ARPC2: variants seen among roughly 807,000 people sequenced by gnomAD.
The protein encoded by ARPC2 is actin related protein 2/3 complex subunit 2, also known as actin-related protein 2/3 complex subunit 2.
Under a neutral mutation model 38.6 loss-of-function variants are expected in ARPC2, and 4 were observed. The observed-to-expected ratio is 0.10, with a 90% CI of 0.05 to 0.24. The LOEUF is 0.24. Ranked by LOEUF, ARPC2 falls within the 10% of genes least tolerant of loss-of-function variation. ARPC2 has a pLI of 1.00. For missense variants in ARPC2, 229 were observed against 387.3 expected (o/e 0.59, Z 3.43); for synonymous variants, 125 against 140.8 (o/e 0.89, Z 0.79).
At chr2:218,220,524 A>G (rs567593163) in intron 2 of ARPC2, among the ~76,000 whole-genome samples, 291 of 152,348 alleles carry the variant, frequency 1.9e-3, no homozygotes, top group African/African-American at 6.8e-3. Context: ...CCAGCTTCTG[A>G]AAATGAAAGC....
At chr2:218,227,783 G>T (rs1229491317) in intron 3 of ARPC2, among the ~76,000 whole-genome samples, 2 of 151,990 alleles carry the variant, frequency 1.3e-5, no homozygotes, top group African/African-American at 4.8e-5. Context: ...GTAGAGACAG[G>T]GTTTCACCAT....
intron 3 of ARPC2, among the ~76,000 whole-genome samples, chr2:218,228,374 G>A (rs1362813800): frequency 1.3e-5 from 2 of 151,876 alleles, no homozygotes; most frequent in Non-Finnish European, 2.9e-5. Flanking sequence ...TTGCACTCCA[G>A]CCTGGGTGAC....
intron 4 of ARPC2, 52 bp from the exon 5 acceptor site, chr2:218,234,300 A>T: frequency 3.6e-6 from 5 of 1,393,344 alleles, no homozygotes; most frequent in Non-Finnish European, 5.0e-6. Flanking sequence ...TAATGAAATT[A>T]TCATGGCCTT....
intron 2 of ARPC2, among the ~76,000 whole-genome samples, chr2:218,217,811 T>C (rs1689289550): frequency 6.6e-6 from 1 of 152,114 alleles, no homozygotes; most frequent in East Asian, 1.9e-4. Flanking sequence ...CTGTGGGACG[T>C]GGGGGACCCT....
Position 218,239,394 on chromosome 2 carries a change from T to C in ARPC2, c.459T>C (p.Tyr153=). 18 of 1,612,004 alleles carry C rather than the reference T, an allele frequency of 1.1e-5. No homozygotes were observed. The highest frequency in any genetic ancestry group is 1.4e-5 in the Non-Finnish European group (16 of 1,178,070). ...VIHYRDDETM[Y]VESKKDRVTV... ...TCATGGATTTTGTTCCTCTCAGGTA[T>C]GTTGAGTCTAAAAAGGACAGAGTCA... Residue 153 remains tyrosine, a synonymous_variant, in exon 7 of 11, where the codon TAT becomes TAC. Coordinates refer to ENST00000315717, the MANE Select transcript of ARPC2 (RefSeq NM_152862.3).
chr2:218,230,130 C>T (rs978836116), intron 4 of ARPC2, among the ~76,000 whole-genome samples: 4 of 151,990 alleles, frequency 2.6e-5, no homozygotes, highest in Non-Finnish European at 5.9e-5. Flanking sequence ...ACCGCTACAC[C>T]TGGCTAATTT....
At chr2:218,243,737 C>T (rs952759082) in intron 7 of ARPC2, among the ~76,000 whole-genome samples, 1 of 152,180 alleles carries the variant, frequency 6.6e-6, no homozygotes, top group East Asian at 1.9e-4. Context: ...GATCACGCCA[C>T]TGCACTCCAG....
chr2:218,234,257 AG>A, intron 4 of ARPC2, 94 bp from the exon 5 acceptor site: 1 of 948,958 alleles, frequency 1.1e-6, no homozygotes, highest in Non-Finnish European at 1.6e-6. Flanking sequence ...ATGCCAACTT[AG>A]GAAGAGCTTG....
chr2:218,222,937 CAT>C (rs1293279175), intron 2 of ARPC2, among the ~76,000 whole-genome samples: 1 of 152,180 alleles, frequency 6.6e-6, no homozygotes. Flanking sequence ...GCACACAGAA[CAT>C]GATTGTATTT....
intron 7 of ARPC2, among the ~76,000 whole-genome samples, chr2:218,243,554 G>C (rs1401081750): frequency 3.3e-5 from 5 of 152,210 alleles, no homozygotes; most frequent in Non-Finnish European, 7.4e-5. Flanking sequence ...TAGGCAGGTG[G>C]ATCACTAGAG....
At chr2:218,246,707 A>C (rs6748982) in intron 8 of ARPC2, among the ~76,000 whole-genome samples, 3,837 of 152,132 alleles carry the variant, frequency 0.025, 139 homozygotes, top group African/African-American at 0.086. Context: ...ACAGTGGCTC[A>C]CACCTGTAAT....
intron 10 of ARPC2, among the ~76,000 whole-genome samples, chr2:218,250,930 C>T (rs1349991613): frequency 2.6e-5 from 4 of 151,888 alleles, no homozygotes; most frequent in East Asian, 1.9e-4. Context: ...TGCAGTGGCG[C>T]GATCTCAGCT....
chr2:218,237,336 A>T (rs1419062396), intron 5 of ARPC2, among the ~76,000 whole-genome samples: 4 of 151,778 alleles, frequency 2.6e-5, no homozygotes, highest in African/African-American at 4.8e-5. Flanking sequence ...AGTACCTGGG[A>T]CCACAGGCGT....
chr2:218,229,641 CTT>C (rs1173369590), intron 4 of ARPC2, among the ~76,000 whole-genome samples: 2 of 152,250 alleles, frequency 1.3e-5, no homozygotes, highest in East Asian at 1.9e-4. Context: ...TTATTTAAAA[CTT>C]ATATAATAAA....
intron 3 of ARPC2, among the ~76,000 whole-genome samples, 166 bp from the exon 4 acceptor site, chr2:218,228,572 A>C (rs887407778): frequency 1.3e-5 from 2 of 152,232 alleles, no homozygotes; most frequent in Non-Finnish European, 2.9e-5. Flanking sequence ...CAGCAATTCT[A>C]TCCCAGTGTT....
At chr2:218,247,717 G>A (rs895284241) in intron 8 of ARPC2, among the ~76,000 whole-genome samples, 19 of 152,250 alleles carry the variant, frequency 1.2e-4, no homozygotes, top group Admixed American at 9.8e-4. Flanking sequence ...GCCGAGGCAA[G>A]TGGATCACGA....
At chr2:218,236,108 A>T (rs915756998) in intron 5 of ARPC2, 2 of 145,302 alleles carry the variant, frequency 1.4e-5, no homozygotes, top group Non-Finnish European at 3.0e-5. Flanking sequence ...AAAAAAAAAG[A>T]CCGTAGAGTC....
intron 10 of ARPC2, among the ~76,000 whole-genome samples, chr2:218,250,550 G>A (rs1343442726): frequency 2.0e-5 from 3 of 151,860 alleles, no homozygotes; most frequent in Non-Finnish European, 2.9e-5. Flanking sequence ...CTGTAGTCCC[G>A]GCTACTCGGG....
At chr2:218,240,629 C>T (rs1312478769) in intron 7 of ARPC2, among the ~76,000 whole-genome samples, 4 of 152,056 alleles carry the variant, frequency 2.6e-5, no homozygotes, top group South Asian at 2.1e-4. Context: ...CGGTGGCTGA[C>T]GCCTGTAATC....
Sources: gnomAD v4.1 joint callset for allele counts (sites outside exome capture counted in the v4.1 genomes callset) on GRCh38, gnomAD v4.1.1 for gene constraint, MANE v1.5 for transcripts, NCBI Gene and HGNC (gene_info 2026-07-23, HGNC 2026-07-21) for gene names.